The following WDPCP variants were observed in gnomAD, a reference collection of about 807,000 sequenced individuals.
WDPCP encodes the protein WD repeat containing planar cell polarity effector.
Under a neutral mutation model 93.1 loss-of-function variants are expected in WDPCP, and 71 were observed. The observed-to-expected ratio is 0.76, with a 90% CI of 0.63 to 0.93. The LOEUF is 0.93. Ranked by LOEUF, WDPCP falls within the 40% of genes least tolerant of loss-of-function variation. The pLI is 0.00. For synonymous variants in WDPCP, 315 were observed against 315.0 expected (o/e 1.00, Z 0.00); for missense variants, 844 against 887.4 (o/e 0.95, Z 0.62).
At position 63,378,377 on chromosome 2, in the gene WDPCP, A is replaced by C. The variant is rs563648429; in HGVS notation, c.1748+9T>G. 3.1e-6 allele frequency: 5 copies of C among 1,612,816 alleles called. No homozygotes were observed. The African/African-American group carries it at 5.3e-5, about 17-fold the overall frequency. On this transcript the variant is annotated intron_variant, in intron 12 of 17. Coordinates refer to ENST00000272321, the MANE Select transcript of WDPCP (RefSeq NM_015910.7). ...GTCTGACGCTAATCAATCCAAACAT[A>C]TCATTCACCTGAGCAAGTGATGGAA... is the stretch of plus-strand genomic sequence containing the variant.
intron 3 of WDPCP, chr2:63,599,762 CTTT>C (rs1709386886): frequency 2.6e-5 from 4 of 152,340 alleles, no homozygotes; most frequent in Admixed American, 2.6e-4. Context: ...CATTTTATGT[CTTT>C]TTAATATTCT....
At chr2:63,840,555 G>T in the WDPCP span, among the ~76,000 whole-genome samples, 1 of 152,148 alleles carries the variant, frequency 6.6e-6, no homozygotes, top group Non-Finnish European at 1.5e-5. Flanking sequence ...ACTCCCTAAC[G>T]CATCCTCACC....
chr2:63,362,277 T>TTGTGTGTG (rs140044354), intron 12 of WDPCP, among the ~76,000 whole-genome samples: 19 of 94,104 alleles, frequency 2.0e-4, no homozygotes, highest in Admixed American at 8.4e-4. Context: ...TTTTTTTTGG[T>TTGTGTGTG]TGTGTGTGTG....
At position 63,311,617 on chromosome 2, in the gene WDPCP, TA is replaced by T. The variant is rs1686195076; in HGVS notation, c.1812+1630del. Among the ~76,000 whole-genome samples the T allele has an allele frequency of 2.6e-5, 4 of 152,296 alleles. No homozygotes were observed. In the South Asian group the frequency reaches 8.3e-4, roughly 32 times the overall value. ...TCCCTTATTTTAGATTTTCATCTTT[TA>T]TGTGTAAAAATCATCATGGTTTAGG... On this transcript the variant is annotated intron_variant, in intron 13 of 17. Coordinates refer to ENST00000272321, the MANE Select transcript of WDPCP (RefSeq NM_015910.7).
chr2:63,153,573 G>A lies in WDPCP; in HGVS notation c.2080C>T (p.Gln694Ter). ...QRILNGSSNR[Q>*]IIDRRNELEK... is the part of the protein sequence containing the mutation. ...AGTTCATTCCTTCTGTCAATTATTT[G>A]TCTGCAGTATATGGGTGTTTTTAAT... Residue 694 changes from glutamine (Q) to a stop codon, truncating the protein, a stop_gained and splice_region_variant, in exon 16 of 18, where the codon CAA becomes TAA. Coordinates refer to ENST00000272321, the MANE Select transcript of WDPCP (RefSeq NM_015910.7). LOFTEE classifies it high-confidence loss of function. The A allele has an allele frequency of 6.2e-7, 1 of 1,611,374 alleles. No homozygotes were observed.
rs1054909629 is a variant in WDPCP, at chr2:63,142,376, T to C, written c.2190+10538A>G. Among the ~76,000 whole-genome samples the C allele has an allele frequency of 2.0e-5, 3 of 152,218 alleles. No individual in the cohort carries two copies. The East Asian group carries it at 5.8e-4, about 29-fold the overall frequency. On this transcript the variant is annotated intron_variant, in intron 17 of 17. Transcript: ENST00000272321. ...TTCAAATAATTTTTTAATTTCCATC[T>C]TGATTTCATTTTTGACTCAATGCTC...
At chr2:63,595,464 T>C (rs1357817152) in intron 3 of WDPCP, 2 of 1,613,516 alleles carry the variant, frequency 1.2e-6, no homozygotes, top group African/African-American at 2.7e-5. Context: ...CCATGATGGG[T>C]GTCCTGGACG....
intron 2 of WDPCP, among the ~76,000 whole-genome samples, chr2:63,763,768 AT>A (rs1438257575): frequency 1.3e-5 from 2 of 152,144 alleles, no homozygotes; most frequent in Non-Finnish European, 2.9e-5. Flanking sequence ...ATGGCTATTT[AT>A]TTGTGCCAAA....
chr2:63,783,875 A>G lies in WDPCP; in HGVS notation n.308+29747T>C, dbSNP rs1026002014. Among the ~76,000 whole-genome samples, 6 of 152,196 alleles carry G rather than the reference A, an allele frequency of 3.9e-5. 1 individual carries two copies. Among genetic ancestry groups the G allele is most frequent in the Admixed American group, 3.3e-4 (5 of 15,264 alleles). On this transcript the variant is annotated intron_variant and non_coding_transcript_variant, in intron 2 of 4. Coordinates refer to the WDPCP transcript ENST00000467687. ...ATTCCAGACTTCACTACTATGCAAT[A>G]TATCTATGAAACAAAATTGCACTTG... is the stretch of plus-strand genomic sequence containing the variant.
chr2:63,703,435 C>T (rs1299549714), intron 2 of WDPCP, among the ~76,000 whole-genome samples: 1 of 152,182 alleles, frequency 6.6e-6, no homozygotes, highest in East Asian at 1.9e-4. Flanking sequence ...GAGATGGTAT[C>T]TCATTGTGGT....
rs905708674 is a variant in WDPCP at position 63,344,014 on chromosome 2, T to C, written c.1749-30703A>G. On this transcript the variant is annotated intron_variant, in intron 12 of 17. Transcript: ENST00000272321. ...TTAAGTCTTTGTCTAGTAATTTCAA[T>C]GTCTGGGCTTCCCCAGGGATACGTT... Among the ~76,000 whole-genome samples the C allele has an allele frequency of 2.6e-5, 4 of 152,336 alleles. No individual in the cohort carries two copies. The South Asian group carries it at 8.3e-4, about 32-fold the overall frequency.
Position 63,762,864 on chromosome 2 carries a change from G to T in WDPCP, n.308+50758C>A, listed in dbSNP as rs1282262455. On this transcript the variant is annotated intron_variant and non_coding_transcript_variant, in intron 2 of 4. Transcript: ENST00000467687. ...GGATTAAGTTTCAACATGAATTTTG[G>T]AGGGGCTATTCAAACCACAGCAATA... Among the ~76,000 whole-genome samples, 3 of 152,098 alleles carry T rather than the reference G, an allele frequency of 2.0e-5. No individual in the cohort carries two copies. The South Asian group carries it at 6.2e-4, about 31-fold the overall frequency.
chr2:63,264,175 T>C (rs1468792541), intron 13 of WDPCP, among the ~76,000 whole-genome samples: 1 of 152,260 alleles, frequency 6.6e-6, no homozygotes, highest in Non-Finnish European at 1.5e-5. Flanking sequence ...TACTATATGC[T>C]ACTTGTTTAG....
chr2:63,824,221 A>G (rs1211047580), intron 1 of WDPCP, among the ~76,000 whole-genome samples: 1 of 151,972 alleles, frequency 6.6e-6, no homozygotes, highest in Non-Finnish European at 1.5e-5. Context: ...TCCTGCCACC[A>G]TGTAAGACAT....
chr2:63,171,032 G>A (rs1055185494), intron 15 of WDPCP, among the ~76,000 whole-genome samples: 1 of 151,686 alleles, frequency 6.6e-6, no homozygotes, highest in Non-Finnish European at 1.5e-5. Context: ...ACTACATAAT[G>A]ACCTTAGACC....
chr2:63,273,085 T>C (rs958722698), intron 13 of WDPCP, among the ~76,000 whole-genome samples: 1 of 152,088 alleles, frequency 6.6e-6, no homozygotes. Flanking sequence ...TAGGATGATA[T>C]ATTCAAACTA....
intron 1 of WDPCP, among the ~76,000 whole-genome samples, chr2:63,533,590 C>A (rs1704033252): frequency 6.6e-6 from 1 of 152,124 alleles, no homozygotes; most frequent in Non-Finnish European, 1.5e-5. Context: ...GGAGACTGAA[C>A]AACCTGCTCC....
chr2:63,387,283 C>T (rs1692813229), intron 10 of WDPCP, among the ~76,000 whole-genome samples: 1 of 151,894 alleles, frequency 6.6e-6, no homozygotes, highest in South Asian at 2.1e-4. Context: ...GAAAAGCTAC[C>T]ACAAATAAGT....
intron 13 of WDPCP, among the ~76,000 whole-genome samples, chr2:63,299,237 T>C (rs1685137511): frequency 6.6e-6 from 1 of 152,244 alleles, no homozygotes; most frequent in Non-Finnish European, 1.5e-5. Context: ...GTCCAGCTTA[T>C]GAAGGAGGAC....
Sources: allele counts gnomAD v4.1 joint callset (sites outside exome capture counted in the v4.1 genomes callset), GRCh38; gene constraint gnomAD v4.1.1; transcripts MANE v1.5; gene names NCBI Gene and HGNC (gene_info 2026-07-23, HGNC 2026-07-21).